Variants in DCDC2 observed in about 807,000 individuals in gnomAD.
DCDC2 encodes the protein doublecortin domain containing 2.
In DCDC2, 40 loss-of-function variants were observed where a neutral mutation model predicts 50.2. The observed-to-expected ratio is 0.80, with a 90% CI of 0.62 to 1.04. The LOEUF is 1.04. Among genes scored for constraint, DCDC2 ranks in the 50% least tolerant of loss-of-function variants. The probability of loss-of-function intolerance (pLI) is 0.00; values close to 1 mark genes in which losing one functional copy is unlikely to be tolerated. For missense variants in DCDC2, 570 were observed against 581.9 expected (o/e 0.98, Z 0.21); for synonymous variants, 234 against 210.6 (o/e 1.11, Z -0.96).
At chr6:24,297,224 ACAC>A (rs1048935153) in intron 4 of DCDC2, among the ~76,000 whole-genome samples, 2 of 152,112 alleles carry the variant, frequency 1.3e-5, no homozygotes, top group East Asian at 1.9e-4. Flanking sequence ...AGAAAACCTC[ACAC>A]CACATGTCCT....
chr6:24,232,673 A>G (rs1581601237), intron 7 of DCDC2, among the ~76,000 whole-genome samples: 1 of 152,232 alleles, frequency 6.6e-6, no homozygotes, highest in Admixed American at 6.5e-5. Flanking sequence ...GATAGACAAA[A>G]TATTATTTTG....
intron 2 of DCDC2, among the ~76,000 whole-genome samples, chr6:24,328,266 T>C (rs1046656617): frequency 2.0e-5 from 3 of 152,236 alleles, no homozygotes; most frequent in Non-Finnish European, 4.4e-5. Context: ...TAAAGTGGAT[T>C]CCCTTGTGTA....
chr6:24,220,991 T>C (rs1762107745), intron 7 of DCDC2, among the ~76,000 whole-genome samples: 1 of 77,878 alleles, frequency 1.3e-5, no homozygotes, highest in African/African-American at 4.5e-5. Flanking sequence ...CTCACTATCA[T>C]GAGAACAGCA....
intron 7 of DCDC2, among the ~76,000 whole-genome samples, chr6:24,257,722 G>A (rs1329139536): frequency 6.7e-6 from 1 of 149,946 alleles, no homozygotes; most frequent in African/African-American, 2.5e-5. Context: ...CCATGAAAGT[G>A]ACAAGCTTCT....
chr6:24,321,879 T>G (rs1759779848), intron 2 of DCDC2, among the ~76,000 whole-genome samples: 1 of 152,224 alleles, frequency 6.6e-6, no homozygotes, highest in South Asian at 2.1e-4. Context: ...TTAGGATGAA[T>G]TAATTACGTG....
chr6:24,338,341 T>C (rs1581659707), intron 2 of DCDC2, among the ~76,000 whole-genome samples: 1 of 152,112 alleles, frequency 6.6e-6, no homozygotes, highest in South Asian at 2.1e-4. Flanking sequence ...TCTCTGCCTG[T>C]CACCGCCATT....
At chr6:24,191,109 T>A (rs999770087) in intron 8 of DCDC2, among the ~76,000 whole-genome samples, 1 of 152,214 alleles carries the variant, frequency 6.6e-6, no homozygotes, top group Non-Finnish European at 1.5e-5. Flanking sequence ...CCCTTCTGGT[T>A]CTAAATATTT....
chr6:24,382,836 A>T, the DCDC2 span, among the ~76,000 whole-genome samples: 1 of 152,162 alleles, frequency 6.6e-6, no homozygotes, highest in Non-Finnish European at 1.5e-5. Flanking sequence ...ACTCCATCTC[A>T]TCAAAAGGCT....
intron 7 of DCDC2, among the ~76,000 whole-genome samples, chr6:24,250,578 T>C (rs11757997): frequency 0.18 from 27,760 of 152,198 alleles, 2,538 homozygotes; most frequent in African/African-American, 0.22. Context: ...AAGTTACTGA[T>C]GGTAACATTA....
At chr6:24,315,477 C>A (rs952467871) in intron 2 of DCDC2, among the ~76,000 whole-genome samples, 1 of 152,146 alleles carries the variant, frequency 6.6e-6, no homozygotes, top group Non-Finnish European at 1.5e-5. Context: ...TTACTATCCA[C>A]AGAGAGGGCT....
the DCDC2 span, among the ~76,000 whole-genome samples, chr6:24,366,726 A>C: frequency 6.6e-6 from 1 of 152,224 alleles, no homozygotes; most frequent in African/African-American, 2.4e-5. Context: ...TTCTGCCCTT[A>C]GTGCTTTTTA....
intron 2 of DCDC2, among the ~76,000 whole-genome samples, chr6:24,311,856 C>G (rs969661060): frequency 2.0e-5 from 3 of 152,192 alleles, no homozygotes; most frequent in Non-Finnish European, 4.4e-5. Flanking sequence ...TCACATGAGG[C>G]TAACAGTACA....
chr6:24,322,739 G>A (rs1375629673), intron 2 of DCDC2, among the ~76,000 whole-genome samples: 2 of 152,196 alleles, frequency 1.3e-5, no homozygotes, highest in Non-Finnish European at 1.5e-5. Context: ...CCTATAGCCT[G>A]GAAGCCCCCA....
intron 8 of DCDC2, among the ~76,000 whole-genome samples, chr6:24,197,718 G>C (rs148108918): frequency 3.3e-5 from 5 of 152,158 alleles, no homozygotes; most frequent in African/African-American, 2.4e-5. Context: ...CTGCTGCACT[G>C]TTAAGACAAA....
rs557952927 is a variant in DCDC2 at position 24,232,944 on chromosome 6, G to C, written c.923-27842C>G. On this transcript the variant is annotated intron_variant, in intron 7 of 9. Transcript: ENST00000378454. ...AACAACCTGGCAAAAAAAACAACCT[G>C]GGTAAAAACATCTTTCCTTTTCTGA... Among the ~76,000 whole-genome samples the C allele has an allele frequency of 4.6e-5, 7 of 152,226 alleles. No individual in the cohort carries two copies. The East Asian group carries it at 1.3e-3, about 29-fold the overall frequency.
At chr6:24,382,849 T>G in the DCDC2 span, among the ~76,000 whole-genome samples, 1 of 152,222 alleles carries the variant, frequency 6.6e-6, no homozygotes, top group Non-Finnish European at 1.5e-5. Flanking sequence ...AAAAGGCTGC[T>G]GCTGGTATAG....
chr6:24,291,016 T>A lies in DCDC2; in HGVS notation c.620A>T (p.Tyr207Phe). ...SGAELENGQF[Y>F]VAVGRDKFKK... is the part of the protein sequence containing the mutation. ...AAACTTATCTCTGCCAACAGCCACATAAAACTGCCCATTCTCCAACTCTGC... is the reference window on the plus strand; with the variant it reads ...AAACTTATCTCTGCCAACAGCCACAAAAAACTGCCCATTCTCCAACTCTGC... Residue 207 changes from tyrosine to phenylalanine, a missense_variant, in exon 5 of 10, where the codon TAT becomes TTT. Transcript: ENST00000378454. 1 of 1,614,032 alleles carries A rather than the reference T, an allele frequency of 6.2e-7. No homozygotes were observed. Among genetic ancestry groups the A allele is most frequent in the Non-Finnish European group, 8.5e-7 (1 of 1,179,942 alleles).
chr6:24,222,821 A>G (rs1561896417), intron 7 of DCDC2, among the ~76,000 whole-genome samples: 1 of 152,214 alleles, frequency 6.6e-6, no homozygotes, highest in Non-Finnish European at 1.5e-5. Flanking sequence ...GAATTGAATA[A>G]CTGTTTAAAC....
the DCDC2 span, among the ~76,000 whole-genome samples, chr6:24,370,650 T>C: frequency 6.6e-6 from 1 of 152,104 alleles, no homozygotes; most frequent in Non-Finnish European, 1.5e-5. Context: ...ATCAAGGCTG[T>C]AGCAAGCTGT....
Sources: gnomAD v4.1 joint callset for allele counts (sites outside exome capture counted in the v4.1 genomes callset) on GRCh38, gnomAD v4.1.1 for gene constraint, MANE v1.5 for transcripts, NCBI Gene and HGNC (gene_info 2026-07-23, HGNC 2026-07-21) for gene names.